The following CAP2 variants were observed in gnomAD, a reference collection of about 807,000 sequenced individuals.
CAP2 encodes the protein adenylyl cyclase-associated protein 2.
Under a neutral mutation model 57.7 loss-of-function variants are expected in CAP2, and 24 were observed. That is an observed-to-expected ratio of 0.42 (90% CI 0.30 to 0.58). The LOEUF is 0.58. Among genes scored for constraint, CAP2 ranks in the 20% least tolerant of loss-of-function variants. The probability of loss-of-function intolerance (pLI) is 0.22; values close to 1 mark genes in which losing one functional copy is unlikely to be tolerated. For synonymous variants in CAP2, 194 were observed against 207.2 expected (o/e 0.94, Z 0.55); for missense variants, 501 against 590.3 (o/e 0.85, Z 1.57).
At chr6:17,455,682 C>T (rs1442338898) in intron 3 of CAP2, among the ~76,000 whole-genome samples, 3 of 151,950 alleles carry the variant, frequency 2.0e-5, no homozygotes, top group Admixed American at 1.3e-4. Context: ...ACTACAGGCG[C>T]CCACCACCAT....
chr6:17,396,966 T>C (rs1421779649), intron 1 of CAP2, among the ~76,000 whole-genome samples: 2 of 152,238 alleles, frequency 1.3e-5, no homozygotes, highest in Admixed American at 1.3e-4. Context: ...AATCATTCCC[T>C]GGTTTATTGT....
chr6:17,422,496 C>T (rs554434826), intron 2 of CAP2, among the ~76,000 whole-genome samples: 23 of 151,916 alleles, frequency 1.5e-4, no homozygotes, highest in African/African-American at 5.3e-4. Flanking sequence ...ACTACAGGCG[C>T]CCGCCACCAC....
chr6:17,460,581 T>C (rs1760691195), intron 3 of CAP2, among the ~76,000 whole-genome samples: 1 of 152,216 alleles, frequency 6.6e-6, no homozygotes, highest in South Asian at 2.1e-4. Flanking sequence ...TCTAGAATTA[T>C]AACATGTCAT....
intron 4 of CAP2, among the ~76,000 whole-genome samples, chr6:17,489,003 T>C (rs935987896): frequency 2.0e-5 from 3 of 152,142 alleles, no homozygotes; most frequent in African/African-American, 7.2e-5. Context: ...TGGCAGGACG[T>C]CCTACCATTA....
At chr6:17,462,202 A>G (rs1408866108) in intron 3 of CAP2, among the ~76,000 whole-genome samples, 1 of 151,868 alleles carries the variant, frequency 6.6e-6, no homozygotes, top group Non-Finnish European at 1.5e-5. Flanking sequence ...AATGGCACTG[A>G]CATCTCTCCT....
intron 6 of CAP2, among the ~76,000 whole-genome samples, chr6:17,510,001 G>A (rs1291115373): frequency 2.6e-5 from 4 of 152,132 alleles, no homozygotes; most frequent in African/African-American, 9.7e-5. Context: ...CATATTGTAT[G>A]ATTACATTTA....
intron 7 of CAP2, among the ~76,000 whole-genome samples, chr6:17,532,491 A>T (rs1020707245): frequency 6.8e-6 from 1 of 146,860 alleles, no homozygotes; most frequent in Non-Finnish European, 1.5e-5. Flanking sequence ...CACGCCTGTA[A>T]TCCCAACACT....
chr6:17,420,293 C>T (rs187659673), intron 1 of CAP2, among the ~76,000 whole-genome samples: 5 of 152,340 alleles, frequency 3.3e-5, no homozygotes, highest in African/African-American at 1.2e-4. Flanking sequence ...CTAAATTTTG[C>T]TTAAACATAA....
chr6:17,459,484 G>A lies in CAP2; in HGVS notation c.223-3512G>A, dbSNP rs528373045. 2.7e-4 allele frequency among the ~76,000 whole-genome samples: 41 copies of A among 152,310 alleles called. 2 individuals carry two copies. In the South Asian group the frequency reaches 8.5e-3, roughly 32 times the overall value. ...AGCCAATGTGGCAGCTACAAGTAAT[G>A]TGTCAGAAAGGAGGCTAGCATGCAA... is the stretch of plus-strand genomic sequence containing the variant. On this transcript the variant is annotated intron_variant, in intron 3 of 12. Coordinates refer to ENST00000229922, the MANE Select transcript of CAP2 (RefSeq NM_006366.3).
rs184595720 is a variant in CAP2 at position 17,508,185 on chromosome 6, T to C, written c.530+459T>C. On this transcript the variant is annotated intron_variant, in intron 6 of 12. Coordinates refer to ENST00000229922, the MANE Select transcript of CAP2 (RefSeq NM_006366.3). ...GTGAGAAGGAAACCAGAGACTCAGT[T>C]AATATGAAATACAACTGGGGTGTAC... 2.4e-3 allele frequency among the ~76,000 whole-genome samples: 362 copies of C among 152,216 alleles called. 1 individual carries two copies. The highest frequency in any genetic ancestry group is 8.1e-3 in the African/African-American group (335 of 41,528).
At chr6:17,514,115 G>A (rs1394191861) in intron 7 of CAP2, among the ~76,000 whole-genome samples, 161 bp downstream of exon 7, 1 of 152,192 alleles carries the variant, frequency 6.6e-6, no homozygotes, top group East Asian at 1.9e-4. Context: ...TGTAATCCCA[G>A]CACTTTGGGA....
intron 6 of CAP2, among the ~76,000 whole-genome samples, chr6:17,512,688 G>A (rs1462359357): frequency 6.6e-6 from 1 of 152,158 alleles, no homozygotes; most frequent in Non-Finnish European, 1.5e-5. Context: ...GAGGTAAAGC[G>A]ACAATGAGAT....
chr6:17,537,584 T>C (rs1762803448), intron 7 of CAP2, among the ~76,000 whole-genome samples: 1 of 151,616 alleles, frequency 6.6e-6, no homozygotes, highest in Non-Finnish European at 1.5e-5. Context: ...CTAAATTGTT[T>C]ATGACAATAA....
At chr6:17,450,773 G>C (rs571812688) in intron 3 of CAP2, among the ~76,000 whole-genome samples, 1 of 151,826 alleles carries the variant, frequency 6.6e-6, no homozygotes, top group African/African-American at 2.4e-5. Flanking sequence ...TCCTTTCTCC[G>C]CCAATGAGAG....
intron 4 of CAP2, among the ~76,000 whole-genome samples, chr6:17,488,068 C>G (rs116400875): frequency 0.017 from 2,556 of 151,862 alleles, 61 homozygotes; most frequent in African/African-American, 0.058. Flanking sequence ...GGGACACCCA[C>G]TTAGTTTTAT....
chr6:17,418,962 C>G (rs1355591551), intron 1 of CAP2, among the ~76,000 whole-genome samples: 1 of 152,040 alleles, frequency 6.6e-6, no homozygotes, highest in African/African-American at 2.4e-5. Context: ...TTTTGAATCC[C>G]CTTAGGATTA....
rs1267501396 is a variant in CAP2, at chr6:17,421,643, G to A, written c.88G>A (p.Gly30Arg). 8.7e-6 allele frequency: 14 copies of A among 1,614,102 alleles called. No homozygotes were observed. In the South Asian group the frequency reaches 1.5e-4, roughly 18 times the overall value. Residue 30 changes from glycine to arginine, a missense_variant, in exon 2 of 13, where the codon GGG becomes AGG. Transcript: ENST00000229922. ...SLSAESHRPP[G>R]NCGEVNGVIA... is the part of the protein sequence containing the mutation. ...GTCTGCAGAGTCCCACAGGCCCCCTGGGAACTGCGGGGAAGTCAATGGTGT... is the reference window on the plus strand; with the variant it reads ...GTCTGCAGAGTCCCACAGGCCCCCTAGGAACTGCGGGGAAGTCAATGGTGT...
chr6:17,524,690 C>T (rs2113679727), intron 7 of CAP2, among the ~76,000 whole-genome samples: 1 of 152,246 alleles, frequency 6.6e-6, no homozygotes, highest in Non-Finnish European at 1.5e-5. Context: ...TAGTTAGTAA[C>T]TTCCAGGTGT....
Position 17,421,562 on chromosome 6 carries a change from A to G in CAP2, c.7A>G (p.Asn3Asp). 1 of 1,614,190 alleles carries G rather than the reference A, an allele frequency of 6.2e-7. No individual in the cohort carries two copies. The highest frequency in any genetic ancestry group is 8.5e-7 in the Non-Finnish European group (1 of 1,180,030). The change falls in exon 2 of 13, where the codon AAC (asparagine) becomes GAC (aspartate). Residue 3 changes from asparagine (N) to aspartate (D), a missense_variant. By Grantham distance (23) the Asn-to-Asp change is conservative (BLOSUM62 1). Coordinates refer to ENST00000229922, the MANE Select transcript of CAP2 (RefSeq NM_006366.3). ...GTGCCTGTGCTTTTCTAGAATGGCC[A>G]ACATGCAGGGACTGGTGGAAAGACT... The part of the protein sequence containing the change: MA[N>D]MQGLVERLER...
Sources: allele counts gnomAD v4.1 joint callset (sites outside exome capture counted in the v4.1 genomes callset), GRCh38; gene constraint gnomAD v4.1.1; transcripts MANE v1.5; gene names NCBI Gene and HGNC (gene_info 2026-07-23, HGNC 2026-07-21).